Variants in EFCAB6 observed in about 807,000 individuals in gnomAD.
The protein encoded by EFCAB6 is EF-hand calcium-binding domain-containing protein 6.
A neutral mutation model predicts 169.8 loss-of-function variants in EFCAB6; 156 were observed. That is an observed-to-expected ratio of 0.92 (90% CI 0.81 to 1.05). The LOEUF (loss-of-function observed/expected upper bound fraction) is 1.05. Among genes scored for constraint, EFCAB6 ranks in the 50% least tolerant of loss-of-function variants. The probability of loss-of-function intolerance (pLI) is 0.00; values close to 1 mark genes in which losing one functional copy is unlikely to be tolerated. For synonymous variants in EFCAB6, 698 were observed against 676.4 expected, an observed-to-expected ratio of 1.03 and a Z score of -0.50; for missense variants, 1,800 against 1,829.1, an observed-to-expected ratio of 0.98 and a Z score of 0.29.
At chr22:43,696,558 A>C (rs1400958700) in intron 10 of EFCAB6, among the ~76,000 whole-genome samples, 1 of 152,156 alleles carries the variant, frequency 6.6e-6, no homozygotes, top group Non-Finnish European at 1.5e-5. Context: ...TGTGTCTATC[A>C]ACTGGTGAGC....
At chr22:43,801,980 C>T (rs2062738041) in intron 2 of EFCAB6, among the ~76,000 whole-genome samples, 1 of 152,184 alleles carries the variant, frequency 6.6e-6, no homozygotes, top group African/African-American at 2.4e-5. Context: ...ACCCACTTCA[C>T]CTATAAAGAC....
At chr22:43,697,117 G>A (rs2147235092) in intron 10 of EFCAB6, among the ~76,000 whole-genome samples, 1 of 152,314 alleles carries the variant, frequency 6.6e-6, no homozygotes, top group South Asian at 2.1e-4. Flanking sequence ...TACCAAATCA[G>A]CCAGGGTGTT....
intron 13 of EFCAB6, among the ~76,000 whole-genome samples, chr22:43,672,700 T>G (rs766519880): frequency 5.9e-5 from 9 of 151,750 alleles, no homozygotes; most frequent in Admixed American, 5.3e-4. Flanking sequence ...ACAAGAGAAT[T>G]TTCACCCTCA....
intron 16 of EFCAB6, among the ~76,000 whole-genome samples, chr22:43,668,338 T>C (rs1042446291): frequency 6.6e-6 from 1 of 152,234 alleles, no homozygotes; most frequent in Middle Eastern, 3.2e-3. Context: ...ATTTTTAAAA[T>C]GAAGAAGAGC....
chr22:43,765,709 T>C lies in EFCAB6; in HGVS notation c.352-316A>G, dbSNP rs1307133965. Among the ~76,000 whole-genome samples the C allele has an allele frequency of 2.6e-5, 4 of 152,160 alleles. 1 individual carries two copies. Among genetic ancestry groups the C allele is most frequent in the Admixed American group, 1.3e-4 (2 of 15,256 alleles). On this transcript the variant is annotated intron_variant, in intron 4 of 31. Transcript: ENST00000262726. The stretch of plus-strand genomic sequence containing the variant: ...ACTCTATATATACTCTAATATGTGT[T>C]ACACATATAATACATATTAGAAGCT...
At chr22:43,709,540 AAC>A (rs1445490228) in intron 10 of EFCAB6, among the ~76,000 whole-genome samples, 2 of 152,190 alleles carry the variant, frequency 1.3e-5, no homozygotes, top group Admixed American at 1.3e-4. Flanking sequence ...TATTTTAAAA[AAC>A]ACAACATAAA....
At chr22:43,706,412 T>C (rs1603254680) in intron 10 of EFCAB6, among the ~76,000 whole-genome samples, 1 of 152,238 alleles carries the variant, frequency 6.6e-6, no homozygotes, top group African/African-American at 2.4e-5. Context: ...ACGAATCACA[T>C]TGCATATTCT....
chr22:43,753,480 C>T (rs1434467904), intron 6 of EFCAB6, among the ~76,000 whole-genome samples: 8 of 152,128 alleles, frequency 5.3e-5, no homozygotes, highest in Non-Finnish European at 1.0e-4. Context: ...AAACAGAGAG[C>T]GCCTCTTCCC....
intron 8 of EFCAB6, among the ~76,000 whole-genome samples, chr22:43,721,966 G>T (rs1454491885): frequency 6.6e-6 from 1 of 151,944 alleles, no homozygotes; most frequent in Non-Finnish European, 1.5e-5. Context: ...CTACAGAATG[G>T]GAGAAAATAT....
At chr22:43,625,075 TCTTG>T (rs1481541601) in intron 20 of EFCAB6, among the ~76,000 whole-genome samples, 1 of 151,522 alleles carries the variant, frequency 6.6e-6, no homozygotes, top group Non-Finnish European at 1.5e-5. Flanking sequence ...TCATTTTCTT[TCTTG>T]CTTGCTTTTT....
intron 18 of EFCAB6, among the ~76,000 whole-genome samples, chr22:43,634,692 C>A: frequency 6.6e-6 from 1 of 151,102 alleles, no homozygotes; most frequent in Non-Finnish European, 1.5e-5. Flanking sequence ...GGGGGTGGGG[C>A]TGGGTGGCCT....
intron 5 of EFCAB6, among the ~76,000 whole-genome samples, chr22:43,761,939 T>G (rs2061177039): frequency 6.6e-6 from 1 of 152,262 alleles, no homozygotes; most frequent in East Asian, 1.9e-4. Context: ...TTTGCAGTTC[T>G]CATTCTTTGT....
chr22:43,789,059 G>C (rs1008731042), intron 2 of EFCAB6, among the ~76,000 whole-genome samples: 3 of 152,156 alleles, frequency 2.0e-5, no homozygotes, highest in Non-Finnish European at 4.4e-5. Context: ...GTGGGTGGCA[G>C]GGAAGGGGAA....
intron 25 of EFCAB6, among the ~76,000 whole-genome samples, chr22:43,579,304 A>G (rs1188564607): frequency 6.6e-6 from 1 of 150,654 alleles, no homozygotes; most frequent in Admixed American, 6.6e-5. Context: ...TATTTCCTAC[A>G]GATAGGCATC....
chr22:43,735,971 A>G lies in EFCAB6; in HGVS notation c.530T>C (p.Val177Ala). 1 of 1,613,714 alleles carries G rather than the reference A, an allele frequency of 6.2e-7. No individual in the cohort carries two copies. The highest frequency in any genetic ancestry group is 1.1e-5 in the South Asian group (1 of 90,908). The change falls in exon 7 of 32, where the codon GTT becomes GCT. Residue 177 changes from valine to alanine, a missense_variant. By Grantham distance (64) the Val-to-Ala change is moderately conservative (BLOSUM62 0). Coordinates refer to ENST00000262726, the MANE Select transcript of EFCAB6 (RefSeq NM_022785.4). ...GEKVFKNIKT[V>A]MKAFELIDVN... ...ATCAATGAGCTCAAAGGCTTTCATA[A>G]CAGTCTTAATGTTTTTGAAAACCTA...
intron 30 of EFCAB6, among the ~76,000 whole-genome samples, chr22:43,533,763 T>C (rs1415500033): frequency 6.6e-6 from 1 of 152,070 alleles, no homozygotes; most frequent in African/African-American, 2.4e-5. Flanking sequence ...ATGGGGTGGC[T>C]AAGTATTGCT....
At chr22:43,807,216 T>C (rs1003804542) in intron 2 of EFCAB6, among the ~76,000 whole-genome samples, 1 of 152,218 alleles carries the variant, frequency 6.6e-6, no homozygotes, top group African/African-American at 2.4e-5. Context: ...TTACCCTTGA[T>C]TTTGAAAGCT....
At chr22:43,760,457 TC>T (rs1236849586) in intron 5 of EFCAB6, among the ~76,000 whole-genome samples, 1 of 152,226 alleles carries the variant, frequency 6.6e-6, no homozygotes. Context: ...TGCGATAATG[TC>T]TAGATAGGCA....
intron 25 of EFCAB6, among the ~76,000 whole-genome samples, chr22:43,577,543 C>T (rs527265100): frequency 6.6e-6 from 1 of 152,212 alleles, no homozygotes; most frequent in Non-Finnish European, 1.5e-5. Flanking sequence ...AAGTCCTGAA[C>T]CTCTCTAAAC....
Sources: allele counts gnomAD v4.1 joint callset (sites outside exome capture counted in the v4.1 genomes callset), GRCh38; gene constraint gnomAD v4.1.1; transcripts MANE v1.5; gene names NCBI Gene and HGNC (gene_info 2026-07-23, HGNC 2026-07-21).